CBLB: variants seen among roughly 807,000 people sequenced by gnomAD.
The protein encoded by CBLB is E3 ubiquitin-protein ligase CBL-B.
CBLB carries 31 observed loss-of-function variants against 104.9 expected under a neutral mutation model. The observed-to-expected ratio is 0.30, with a 90% CI of 0.22 to 0.40. The LOEUF is 0.40. Among genes scored for constraint, CBLB ranks in the 10% least tolerant of loss-of-function variants. The probability of loss-of-function intolerance (pLI) is 1.00; values close to 1 mark genes in which losing one functional copy is unlikely to be tolerated. For synonymous variants in CBLB, 440 were observed against 422.6 expected (o/e 1.04, Z -0.51); for missense variants, 1,062 against 1,214.6 (o/e 0.87, Z 1.87).
intron 4 of CBLB, among the ~76,000 whole-genome samples, chr3:105,774,004 C>T (rs74848961): frequency 0.073 from 11,147 of 152,256 alleles, 571 homozygotes; most frequent in East Asian, 0.29. Context: ...AGTTTGAATG[C>T]CCCTTCCAAA....
chr3:105,666,721 T>C (rs2064511195), intron 18 of CBLB, among the ~76,000 whole-genome samples: 1 of 152,084 alleles, frequency 6.6e-6, no homozygotes, highest in Admixed American at 6.6e-5. Flanking sequence ...AAGGACATGA[T>C]TTAATAAACT....
chr3:105,733,881 TA>T, intron 9 of CBLB, 127 bp downstream of exon 9: 1 of 798,210 alleles, frequency 1.3e-6, no homozygotes, highest in Non-Finnish European at 2.1e-6. Context: ...CTCAAACATA[TA>T]AAATCTTTAC....
intron 18 of CBLB, among the ~76,000 whole-genome samples, chr3:105,659,817 GA>G (rs879318224): frequency 1.9e-3 from 284 of 147,184 alleles, no homozygotes; most frequent in Admixed American, 3.8e-3. Context: ...GATGCTAGGA[GA>G]AAAAAAAAAC....
At chr3:105,660,359 T>TA (rs2063670162) in intron 18 of CBLB, among the ~76,000 whole-genome samples, 1 of 151,962 alleles carries the variant, frequency 6.6e-6, no homozygotes, top group African/African-American at 2.4e-5. Flanking sequence ...GGCTAATTTT[T>TA]TTTTTTTTTC....
chr3:105,719,940 C>T, intron 10 of CBLB, 107 bp downstream of exon 10: 1 of 830,050 alleles, frequency 1.2e-6, no homozygotes, highest in East Asian at 2.6e-5. Flanking sequence ...TGTGTGTGTG[C>T]CTCTTTTCTA....
intron 16 of CBLB, among the ~76,000 whole-genome samples, chr3:105,679,332 T>C (rs1271636042): frequency 1.1e-5 from 1 of 95,038 alleles, no homozygotes; most frequent in Non-Finnish European, 2.0e-5. Context: ...TTACCTTGAG[T>C]CTTTAAAAAA....
chr3:105,697,213 T>G (rs1460525492), intron 12 of CBLB, among the ~76,000 whole-genome samples: 1 of 151,944 alleles, frequency 6.6e-6, no homozygotes, highest in Non-Finnish European at 1.5e-5. Context: ...AAGAAAATAG[T>G]GGAAGTGTAG....
chr3:105,865,497 G>A (rs1406902883), intron 2 of CBLB, among the ~76,000 whole-genome samples: 1 of 152,040 alleles, frequency 6.6e-6, no homozygotes, highest in African/African-American at 2.4e-5. Context: ...CTCAATTGGA[G>A]AGACTAAACC....
intron 3 of CBLB, among the ~76,000 whole-genome samples, chr3:105,824,006 C>T (rs1210052334): frequency 2.0e-5 from 3 of 152,198 alleles, no homozygotes; most frequent in Admixed American, 2.0e-4. Context: ...CTCACATTCT[C>T]ACCTTTCCTA....
intron 12 of CBLB, 137 bp downstream of exon 12, chr3:105,701,957 A>G: frequency 1.1e-6 from 1 of 885,126 alleles, no homozygotes; most frequent in Non-Finnish European, 1.8e-6. Flanking sequence ...CTGATTATTT[A>G]TAACTTGGGG....
rs1022303402 is a variant in CBLB, at chr3:105,767,965, A to C, written c.566+8431T>G. Among the ~76,000 whole-genome samples the C allele has an allele frequency of 1.8e-4, 28 of 152,118 alleles. 1 individual carries two copies. Among genetic ancestry groups the C allele is most frequent in the Admixed American group, 1.7e-3 (26 of 15,240 alleles). ...ATGCTGTCTCCCAATCAATCAAGCA[A>C]GCAGGCTCCATCTCACACATACACA... On this transcript the variant is annotated intron_variant, in intron 4 of 18. Coordinates refer to ENST00000394030, the MANE Select transcript of CBLB (RefSeq NM_170662.5).
chr3:105,736,033 T>C (rs1458417433), intron 8 of CBLB, among the ~76,000 whole-genome samples: 2 of 152,186 alleles, frequency 1.3e-5, no homozygotes, highest in Non-Finnish European at 2.9e-5. Context: ...CACATAATAA[T>C]GTAAAGACCA....
chr3:105,725,218 T>C (rs2073433373), intron 9 of CBLB, among the ~76,000 whole-genome samples: 1 of 152,232 alleles, frequency 6.6e-6, no homozygotes, highest in African/African-American at 2.4e-5. Flanking sequence ...TGAATAATTA[T>C]ACCATTTCTG....
chr3:105,759,888 T>C (rs1048272200), intron 4 of CBLB, among the ~76,000 whole-genome samples: 8 of 152,194 alleles, frequency 5.3e-5, no homozygotes, highest in African/African-American at 1.7e-4. Flanking sequence ...ACCTGCTCCA[T>C]AGAGCACACA....
chr3:105,737,303 A>C (rs1045109134), intron 7 of CBLB, 45 bp from the exon 8 acceptor site: 3 of 960,890 alleles, frequency 3.1e-6, no homozygotes, highest in Non-Finnish European at 4.9e-6. Flanking sequence ...TACAAGTTTT[A>C]ATTGCATTTA....
At chr3:105,837,090 A>C (rs998477284) in intron 3 of CBLB, among the ~76,000 whole-genome samples, 3 of 152,252 alleles carry the variant, frequency 2.0e-5, no homozygotes, top group African/African-American at 7.2e-5. Context: ...CCTTAGCTAA[A>C]ATTTAAAAAC....
intron 3 of CBLB, among the ~76,000 whole-genome samples, chr3:105,823,741 T>C (rs1465498252): frequency 1.3e-5 from 2 of 152,164 alleles, no homozygotes; most frequent in African/African-American, 4.8e-5. Flanking sequence ...AATTATCATG[T>C]TTATTTCAAG....
chr3:105,686,768 G>A (rs1011667796), intron 13 of CBLB, among the ~76,000 whole-genome samples: 1 of 152,044 alleles, frequency 6.6e-6, no homozygotes, highest in African/African-American at 2.4e-5. Context: ...TTTCAATACT[G>A]ATCTTTAAAT....
intron 17 of CBLB, among the ~76,000 whole-genome samples, chr3:105,677,104 G>A (rs1237761446): frequency 2.0e-5 from 3 of 152,046 alleles, no homozygotes; most frequent in African/African-American, 7.2e-5. Context: ...GACCGGAATG[G>A]ATTATGACAC....
Sources: allele counts gnomAD v4.1 joint callset (sites outside exome capture counted in the v4.1 genomes callset), GRCh38; gene constraint gnomAD v4.1.1; transcripts MANE v1.5; gene names NCBI Gene and HGNC (gene_info 2026-07-23, HGNC 2026-07-21).